Variants in FSTL5 observed in about 807,000 individuals in gnomAD.
The protein encoded by FSTL5 is follistatin like 5.
In FSTL5, 62 loss-of-function variants were observed where a neutral mutation model predicts 89.1. The ratio of observed to expected loss-of-function variants is 0.70; its 90% CI spans 0.57 to 0.86. The LOEUF (loss-of-function observed/expected upper bound fraction) is 0.86, where lower values mean the gene tolerates loss of function less well. FSTL5 is among the 40% of genes least tolerant of loss of function. The probability of loss-of-function intolerance (pLI) is 0.00; values close to 1 mark genes in which losing one functional copy is unlikely to be tolerated. For synonymous variants in FSTL5, 383 were observed against 346.2 expected (o/e 1.11, Z -1.18); for missense variants, 1,057 against 1,001.6 (o/e 1.06, Z -0.75).
intron 7 of FSTL5, among the ~76,000 whole-genome samples, chr4:161,643,245 A>G (rs1736030554): frequency 1.3e-5 from 2 of 152,166 alleles, no homozygotes; most frequent in South Asian, 2.1e-4. Context: ...ATTCTTAGAC[A>G]TAAGAAGAGA....
At chr4:161,914,888 G>A (rs1733796224) in intron 4 of FSTL5, among the ~76,000 whole-genome samples, 1 of 152,130 alleles carries the variant, frequency 6.6e-6, no homozygotes, top group African/African-American at 2.4e-5. Context: ...TACATTAAAT[G>A]CATGATTTAA....
chr4:161,815,642 G>T (rs1045906614), intron 4 of FSTL5, among the ~76,000 whole-genome samples: 2 of 151,942 alleles, frequency 1.3e-5, no homozygotes, highest in Non-Finnish European at 2.9e-5. Context: ...ACCCACATAA[G>T]TTAAGTCAGT....
chr4:162,011,052 C>G (rs1001297080), intron 3 of FSTL5, among the ~76,000 whole-genome samples: 2 of 152,064 alleles, frequency 1.3e-5, no homozygotes, highest in African/African-American at 4.8e-5. Context: ...AACATCAGAA[C>G]AGTTTACAGA....
chr4:161,912,593 A>G (rs1002024940), intron 4 of FSTL5, among the ~76,000 whole-genome samples: 9 of 152,130 alleles, frequency 5.9e-5, no homozygotes, highest in African/African-American at 2.2e-4. Flanking sequence ...TGCAAGTCCA[A>G]CTAAACCTCT....
intron 7 of FSTL5, among the ~76,000 whole-genome samples, chr4:161,635,646 C>T (rs1735661455): frequency 6.6e-6 from 1 of 152,112 alleles, no homozygotes; most frequent in Admixed American, 6.5e-5. Flanking sequence ...GAATTAACTA[C>T]AGCATGGTAG....
chr4:162,118,356 G>A (rs1174325075), intron 1 of FSTL5, among the ~76,000 whole-genome samples: 1 of 152,126 alleles, frequency 6.6e-6, no homozygotes, highest in African/African-American at 2.4e-5. Flanking sequence ...CGCCTTGCGG[G>A]TTCACGCCAT....
At chr4:161,749,723 C>T (rs1297052013) in intron 6 of FSTL5, among the ~76,000 whole-genome samples, 5 of 151,834 alleles carry the variant, frequency 3.3e-5, no homozygotes, top group South Asian at 4.2e-4. Context: ...ACCCGACAGG[C>T]GGAGCTTGCA....
intron 13 of FSTL5, among the ~76,000 whole-genome samples, chr4:161,478,986 G>A (rs549644151): frequency 6.7e-6 from 1 of 149,880 alleles, no homozygotes; most frequent in African/African-American, 2.5e-5. Context: ...TCAGTCAGTA[G>A]TTACATGTGG....
At chr4:161,706,171 G>T (rs1738573479) in intron 6 of FSTL5, among the ~76,000 whole-genome samples, 1 of 150,872 alleles carries the variant, frequency 6.6e-6, no homozygotes, top group Non-Finnish European at 1.5e-5. Flanking sequence ...GGCGCCTTTT[G>T]AGACTTAACT....
intron 15 of FSTL5, among the ~76,000 whole-genome samples, chr4:161,434,549 C>T (rs1255833500): frequency 6.6e-6 from 1 of 151,694 alleles, no homozygotes; most frequent in Non-Finnish European, 1.5e-5. Context: ...GCACAGGTAA[C>T]CAAAGGAAAA....
At chr4:161,842,725 C>G (rs1731250778) in intron 4 of FSTL5, among the ~76,000 whole-genome samples, 1 of 152,014 alleles carries the variant, frequency 6.6e-6, no homozygotes, top group Admixed American at 6.6e-5. Flanking sequence ...AATATTATAT[C>G]ATATTTCTGT....
chr4:161,843,538 A>T (rs1731275383), intron 4 of FSTL5, among the ~76,000 whole-genome samples: 1 of 152,148 alleles, frequency 6.6e-6, no homozygotes, highest in African/African-American at 2.4e-5. Context: ...ATGGGAGTTC[A>T]AACTACGCTA....
chr4:162,103,999 T>C lies in FSTL5; in HGVS notation c.126+7272A>G, dbSNP rs568094482. The stretch of plus-strand genomic sequence containing the variant: ...CTTTGTATGGGAGCTCTGTTTTCAC[T>C]CTATTAAATCTTGCAACTGCACTCT... On this transcript the variant is annotated intron_variant, in intron 2 of 15. Transcript: ENST00000306100. Among the ~76,000 whole-genome samples, 4 of 152,276 alleles carry C rather than the reference T, an allele frequency of 2.6e-5. No individual in the cohort carries two copies. In the South Asian group the frequency reaches 8.3e-4, roughly 32 times the overall value.
At chr4:161,741,530 T>G (rs1210784002) in intron 6 of FSTL5, among the ~76,000 whole-genome samples, 1 of 152,070 alleles carries the variant, frequency 6.6e-6, no homozygotes. Flanking sequence ...AGTGTTGCTT[T>G]AAGCCAAGGT....
intron 8 of FSTL5, among the ~76,000 whole-genome samples, chr4:161,581,325 G>A (rs762023868): frequency 6.6e-6 from 1 of 152,180 alleles, no homozygotes; most frequent in African/African-American, 2.4e-5. Context: ...ACTGAGCTAG[G>A]GTAACCCTCT....
chr4:161,608,979 T>G (rs28580199), intron 7 of FSTL5, among the ~76,000 whole-genome samples: 1 of 152,050 alleles, frequency 6.6e-6, no homozygotes, highest in East Asian at 1.9e-4. Context: ...TTGCATAACA[T>G]AAATTCGGTC....
At chr4:161,643,208 C>T (rs1034071081) in intron 7 of FSTL5, among the ~76,000 whole-genome samples, 2 of 152,136 alleles carry the variant, frequency 1.3e-5, no homozygotes, top group Non-Finnish European at 2.9e-5. Context: ...CATATCCAAG[C>T]CCATTCTTGT....
At chr4:161,471,157 C>T (rs1733922202) in intron 13 of FSTL5, among the ~76,000 whole-genome samples, 2 of 152,190 alleles carry the variant, frequency 1.3e-5, no homozygotes, top group Admixed American at 1.3e-4. Context: ...TTTTCCTGAA[C>T]TTAGAGGAGA....
intron 3 of FSTL5, among the ~76,000 whole-genome samples, chr4:162,020,761 C>T (rs1459823347): frequency 6.6e-6 from 1 of 151,844 alleles, no homozygotes; most frequent in East Asian, 1.9e-4. Context: ...AAAAAAGTTA[C>T]TTATTATTTA....
Sources: gnomAD v4.1 joint callset for allele counts (sites outside exome capture counted in the v4.1 genomes callset) on GRCh38, gnomAD v4.1.1 for gene constraint, MANE v1.5 for transcripts, NCBI Gene and HGNC (gene_info 2026-07-23, HGNC 2026-07-21) for gene names.